NKAIN2: variants seen among roughly 807,000 people sequenced by gnomAD.
The protein encoded by NKAIN2 is sodium/potassium-transporting ATPase subunit beta-1-interacting protein 2.
Under a neutral mutation model 32.6 loss-of-function variants are expected in NKAIN2, and 14 were observed. The observed-to-expected ratio is 0.43, with a 90% CI of 0.28 to 0.67. The LOEUF (loss-of-function observed/expected upper bound fraction) is 0.67, where lower values mean the gene tolerates loss of function less well. Among genes scored for constraint, NKAIN2 ranks in the 30% least tolerant of loss-of-function variants. The pLI is 0.17. For synonymous variants in NKAIN2, 80 were observed against 87.2 expected (o/e 0.92, Z 0.46); for missense variants, 198 against 258.3 (o/e 0.77, Z 1.60).
chr6:124,682,481 G>T (rs535690330), intron 4 of NKAIN2, among the ~76,000 whole-genome samples: 6 of 152,096 alleles, frequency 3.9e-5, no homozygotes, highest in African/African-American at 1.4e-4. Context: ...ATTTTGTGAC[G>T]TGAAGTACTG....
intron 3 of NKAIN2, among the ~76,000 whole-genome samples, chr6:124,368,923 G>A (rs1031812717): frequency 6.6e-6 from 1 of 152,078 alleles, no homozygotes; most frequent in Admixed American, 6.6e-5. Context: ...TTCTGATGTG[G>A]TCTTTGAGAG....
At chr6:123,893,409 C>T (rs1774111760) in intron 1 of NKAIN2, among the ~76,000 whole-genome samples, 1 of 152,094 alleles carries the variant, frequency 6.6e-6, no homozygotes, top group Admixed American at 6.5e-5. Flanking sequence ...GTCTTGCTAC[C>T]TTGCCCAGGC....
chr6:124,080,164 C>T (rs577550514), intron 1 of NKAIN2, among the ~76,000 whole-genome samples: 232 of 152,176 alleles, frequency 1.5e-3, no homozygotes, highest in Non-Finnish European at 2.1e-3. Context: ...CTACACTGGG[C>T]GTCTTGTCTG....
At chr6:124,726,477 A>G (rs1583734439) in intron 4 of NKAIN2, among the ~76,000 whole-genome samples, 2 of 151,522 alleles carry the variant, frequency 1.3e-5, no homozygotes, top group South Asian at 2.1e-4. Flanking sequence ...GGGTATTCCA[A>G]CAGACCTGCA....
intron 1 of NKAIN2, among the ~76,000 whole-genome samples, chr6:124,156,858 C>T (rs1788010336): frequency 1.3e-5 from 2 of 152,066 alleles, no homozygotes; most frequent in South Asian, 2.1e-4. Flanking sequence ...AATCCCAGCA[C>T]TTTGGGAGGC....
chr6:124,746,801 A>G (rs1280114679), intron 4 of NKAIN2, among the ~76,000 whole-genome samples: 1 of 151,918 alleles, frequency 6.6e-6, no homozygotes, highest in Non-Finnish European at 1.5e-5. Context: ...CAATAAGCTA[A>G]GTGACCTATG....
intron 1 of NKAIN2, among the ~76,000 whole-genome samples, chr6:123,958,021 A>G (rs988030245): frequency 3.3e-5 from 5 of 152,256 alleles, no homozygotes; most frequent in African/African-American, 1.2e-4. Context: ...ACTGGTAGTA[A>G]TTTTAGGGGG....
At chr6:123,856,976 T>C (rs1391269569) in intron 1 of NKAIN2, among the ~76,000 whole-genome samples, 1 of 152,234 alleles carries the variant, frequency 6.6e-6, no homozygotes, top group African/African-American at 2.4e-5. Context: ...CTTTTCTGAC[T>C]ACAATAATCA....
At chr6:124,320,667 G>A (rs546513143) in intron 2 of NKAIN2, among the ~76,000 whole-genome samples, 1 of 152,318 alleles carries the variant, frequency 6.6e-6, no homozygotes, top group South Asian at 2.1e-4. Flanking sequence ...TGTTTGTTAT[G>A]AGAATAAATA....
At chr6:123,859,260 G>A (rs1775683059) in intron 1 of NKAIN2, among the ~76,000 whole-genome samples, 1 of 151,992 alleles carries the variant, frequency 6.6e-6, no homozygotes, top group African/African-American at 2.4e-5. Context: ...TTTCCATATA[G>A]ATAGACTGTA....
intron 3 of NKAIN2, among the ~76,000 whole-genome samples, chr6:124,628,072 A>G (rs1243176259): frequency 2.0e-5 from 3 of 152,084 alleles, no homozygotes; most frequent in Non-Finnish European, 4.4e-5. Flanking sequence ...CATGAGAAAC[A>G]CTGCAGCCAC....
chr6:123,915,698 A>C (rs1187262739), intron 1 of NKAIN2, among the ~76,000 whole-genome samples: 1 of 152,186 alleles, frequency 6.6e-6, no homozygotes, highest in Non-Finnish European at 1.5e-5. Context: ...TTGTAGATAA[A>C]CAAGTTCTTC....
chr6:124,767,088 G>C (rs1347003815), intron 4 of NKAIN2, among the ~76,000 whole-genome samples: 4 of 151,964 alleles, frequency 2.6e-5, no homozygotes, highest in Admixed American at 2.6e-4. Context: ...TTGAGACGGG[G>C]TTTCACCATG....
At chr6:123,827,794 G>A (rs2114905049) in intron 1 of NKAIN2, among the ~76,000 whole-genome samples, 1 of 150,762 alleles carries the variant, frequency 6.6e-6, no homozygotes, top group South Asian at 2.1e-4. Context: ...GAAGAGAAGA[G>A]GAAACATAAA....
At chr6:124,279,405 G>C (rs1044302238) in intron 1 of NKAIN2, among the ~76,000 whole-genome samples, 2 of 151,690 alleles carry the variant, frequency 1.3e-5, no homozygotes, top group African/African-American at 4.9e-5. Context: ...TACTTGGGAG[G>C]CTGAGGCAGG....
intron 1 of NKAIN2, among the ~76,000 whole-genome samples, chr6:123,911,812 T>TATATATACACACAC (rs1331943561): frequency 5.9e-5 from 5 of 85,012 alleles, no homozygotes; most frequent in African/African-American, 1.8e-4. Context: ...TATATATATA[T>TATATATACACACAC]ACACACACAC....
chr6:124,617,782 G>A (rs999738087), intron 3 of NKAIN2, among the ~76,000 whole-genome samples: 17 of 152,092 alleles, frequency 1.1e-4, no homozygotes, highest in African/African-American at 4.1e-4. Context: ...TGAGTATTAC[G>A]TATTAGAAGC....
At position 124,650,653 on chromosome 6, in the gene NKAIN2, GCTCATTCATGACAGT is replaced by G. The variant is rs1583582824; in HGVS notation, c.274-7532_274-7518del. ...ACCCACTCCCATGGTGGCAACATTA[GCTCATTCATGACAGT>G]GGAGCAACGCATGGCCTAATCACCT... is the stretch of plus-strand genomic sequence containing the variant. On this transcript the variant is annotated intron_variant, in intron 3 of 6. Coordinates refer to ENST00000368417, the MANE Select transcript of NKAIN2 (RefSeq NM_001040214.3). Among the ~76,000 whole-genome samples the G allele has an allele frequency of 1.2e-4, 19 of 152,232 alleles. No individual in the cohort carries two copies. In the East Asian group the frequency reaches 3.7e-3, roughly 29 times the overall value.
chr6:124,625,337 T>TAA (rs928027432), intron 3 of NKAIN2, among the ~76,000 whole-genome samples: 4 of 152,078 alleles, frequency 2.6e-5, no homozygotes, highest in African/African-American at 7.2e-5. Flanking sequence ...GTTTCTTAAA[T>TAA]AAAGTGTCTC....
Sources: allele counts gnomAD v4.1 joint callset (sites outside exome capture counted in the v4.1 genomes callset), GRCh38; gene constraint gnomAD v4.1.1; transcripts MANE v1.5; gene names NCBI Gene and HGNC (gene_info 2026-07-23, HGNC 2026-07-21).